The following HDAC1 variants were observed in gnomAD, a reference collection of about 807,000 sequenced individuals.
The protein encoded by HDAC1 is histone deacetylase 1, also known as protein deacetylase HDAC1.
Under a neutral mutation model 65.5 loss-of-function variants are expected in HDAC1, and 18 were observed. The ratio of observed to expected loss-of-function variants is 0.27; its 90% CI spans 0.19 to 0.41. The LOEUF is 0.41. Ranked by LOEUF, HDAC1 falls within the 10% of genes least tolerant of loss-of-function variation. The probability of loss-of-function intolerance (pLI) is 1.00; values close to 1 mark genes in which losing one functional copy is unlikely to be tolerated. For missense variants in HDAC1, 373 were observed against 625.2 expected (o/e 0.60, Z 4.30); for synonymous variants, 211 against 227.9 (o/e 0.93, Z 0.67).
At chr1:32,295,771 T>G (rs192344857) in intron 1 of HDAC1, among the ~76,000 whole-genome samples, 22 of 152,134 alleles carry the variant, frequency 1.4e-4, no homozygotes, top group South Asian at 6.2e-4. Flanking sequence ...TTTTATTTGT[T>G]TGTTTGTTTG....
Position 32,304,846 on chromosome 1 carries a change from G to C in HDAC1, c.162+2113G>C, listed in dbSNP as rs149658849. 9.2e-3 allele frequency among the ~76,000 whole-genome samples: 1,395 copies of C among 152,202 alleles called. 16 individuals carry two copies. The highest frequency in any genetic ancestry group is 0.033 in the African/African-American group (1,357 of 41,524). On this transcript the variant is annotated intron_variant, in intron 2 of 13. Transcript: ENST00000373548. ...CCCAAAGTGCTGGGATTACAGGCAT[G>C]AGCCACCATACCCAGCCTCTCTTGG...
chr1:32,330,630 G>C lies in HDAC1; in HGVS notation c.782G>C (p.Cys261Ser). 1 of 1,613,970 alleles carries C rather than the reference G, an allele frequency of 6.2e-7. No homozygotes were observed. Among genetic ancestry groups the C allele is most frequent in the Non-Finnish European group, 8.5e-7 (1 of 1,179,920 alleles). ...MFQPSAVVLQ[C>S]GSDSLSGDRL... Reference sequence around the variant, plus strand: ...CAGCCTAGTGCGGTGGTCTTACAGTGTGGCTCAGACTCCCTATCTGGGGAT... The same window carrying C: ...CAGCCTAGTGCGGTGGTCTTACAGTCTGGCTCAGACTCCCTATCTGGGGAT... The change falls in exon 8 of 14, where the codon TGT becomes TCT. Residue 261 changes from cysteine to serine, a missense_variant. Cys to Ser is a moderately radical substitution (Grantham distance 112, BLOSUM62 -1). Coordinates refer to ENST00000373548, the MANE Select transcript of HDAC1 (RefSeq NM_004964.3). The surrounding 1 kb of genome is among the most constrained non-coding windows in gnomAD (Gnocchi z 4.2).
chr1:32,304,638 T>C (rs1640888323), intron 2 of HDAC1, among the ~76,000 whole-genome samples: 1 of 152,078 alleles, frequency 6.6e-6, no homozygotes, highest in Non-Finnish European at 1.5e-5. Context: ...GGTGCAATCT[T>C]GGCTCACTGC....
rs1164280812 is a variant in HDAC1, at chr1:32,292,112, G to C, written c.-58G>C. The C allele has an allele frequency of 1.4e-5, 21 of 1,526,534 alleles. No individual in the cohort carries two copies. Among genetic ancestry groups the C allele is most frequent in the Non-Finnish European group, 1.8e-5 (20 of 1,128,354 alleles). The allele number at this position is 1,526,534 out of a possible 1,614,324, so 94.6% of individuals were successfully genotyped here. A position where few individuals can be genotyped will look rare whatever the true frequency, so the allele number is the denominator to read the frequency against. On this transcript the variant is annotated 5_prime_UTR_variant, in exon 1 of 14. Coordinates refer to ENST00000373548, the MANE Select transcript of HDAC1 (RefSeq NM_004964.3). ...TCCCCCCTGGGTCGGACGCTGAGCGGAGCCGCGGGCGGGAGGGCGGACGGA... is the reference window on the plus strand; with the variant it reads ...TCCCCCCTGGGTCGGACGCTGAGCGCAGCCGCGGGCGGGAGGGCGGACGGA...
In HDAC1 at chr1:32,327,165, C is replaced by A; in HGVS notation, c.494+88C>A. On this transcript the variant is annotated intron_variant, in intron 5 of 13. Transcript: ENST00000373548. This position sits in a 1 kb window ranked among gnomAD's most constrained non-coding sequence, Gnocchi z 6.0. ...CCCCTGGGCTTGCCTCCCTAGTTTGCTTTTCCTACCGATGTGCTGGCTAGG... is the reference window on the plus strand; with the variant it reads ...CCCCTGGGCTTGCCTCCCTAGTTTGATTTTCCTACCGATGTGCTGGCTAGG... 1 of 1,358,842 alleles carries A rather than the reference C, an allele frequency of 7.4e-7. No individual in the cohort carries two copies. The highest frequency in any genetic ancestry group is 1.0e-6 in the Non-Finnish European group (1 of 967,714). 84.2% of individuals were successfully genotyped at this position (1,358,842 alleles called of 1,614,324 possible).
In HDAC1 at chr1:32,333,007, C is replaced by G. The variant is rs780254467; in HGVS notation, c.1422-10C>G. On this transcript the variant is annotated splice_polypyrimidine_tract_variant and intron_variant, in intron 13 of 13. Transcript: ENST00000373548. ...GGGTCATCTCATGCCAGTCTCTGCT[C>G]TCTCCACAGGGTCAAGGAGGAGGTC... 3.7e-6 allele frequency: 6 copies of G among 1,613,530 alleles called. No individual in the cohort carries two copies. Among genetic ancestry groups the G allele is most frequent in the East Asian group, 2.2e-5 (1 of 44,890 alleles).
chr1:32,307,267 T>G (rs1300489812), intron 2 of HDAC1, among the ~76,000 whole-genome samples: 1 of 152,074 alleles, frequency 6.6e-6, no homozygotes, highest in Admixed American at 6.6e-5. Context: ...AAAAGAAGAT[T>G]CATTCCTACT....
rs552091235 is a variant in HDAC1, at chr1:32,310,811, T to C, written c.163-5854T>C. 9.4e-5 allele frequency among the ~76,000 whole-genome samples: 14 copies of C among 149,722 alleles called. 1 individual carries two copies. The South Asian group carries it at 1.5e-3, about 16-fold the overall frequency. ...GTTGCAGTGAGCCAAGATTGTGCCA[T>C]TGCACTGCAGCTGGGTGACAAGAGT... On this transcript the variant is annotated intron_variant, in intron 2 of 13. Coordinates refer to ENST00000373548, the MANE Select transcript of HDAC1 (RefSeq NM_004964.3).
chr1:32,300,938 A>C (rs1640839009), intron 1 of HDAC1, among the ~76,000 whole-genome samples: 1 of 152,240 alleles, frequency 6.6e-6, no homozygotes, highest in African/African-American at 2.4e-5. Flanking sequence ...GAGGAACTGT[A>C]AACGGATGGG....
chr1:32,324,793 T>G (rs1641195374), intron 4 of HDAC1, among the ~76,000 whole-genome samples: 1 of 151,900 alleles, frequency 6.6e-6, no homozygotes, highest in South Asian at 2.1e-4. Context: ...ACATAGACCC[T>G]CCTGTCTATA....
At chr1:32,324,622 C>G in intron 4 of HDAC1, 69 bp downstream of exon 4, 1 of 1,023,028 alleles carries the variant, frequency 9.8e-7, no homozygotes, top group Non-Finnish European at 1.6e-6. Flanking sequence ...TTTTAGGCTG[C>G]TATCCTAGTT....
Position 32,330,563 on chromosome 1 carries a change from G to T in HDAC1, c.730-15G>T, listed in dbSNP as rs769110096. ...CTTTCTTGAGGTTGGTGGTGACCAG[G>T]ATGTATCATTTTAGGTCATGTCCAA... On this transcript the variant is annotated splice_polypyrimidine_tract_variant and intron_variant, in intron 7 of 13. Transcript: ENST00000373548. This position sits in a 1 kb window ranked among gnomAD's most constrained non-coding sequence, Gnocchi z 4.2. The T allele has an allele frequency of 1.3e-6, 2 of 1,575,190 alleles. No individual in the cohort carries two copies. Among genetic ancestry groups the T allele is most frequent in the East Asian group, 4.5e-5 (2 of 44,686 alleles).
intron 2 of HDAC1, among the ~76,000 whole-genome samples, chr1:32,305,866 T>C (rs1363784988): frequency 6.6e-6 from 1 of 152,200 alleles, no homozygotes; most frequent in Admixed American, 6.5e-5. Context: ...CACCTTGGCC[T>C]CCCTAAGTGC....
Position 32,332,691 on chromosome 1 carries a change from T to A in HDAC1, c.1373-10T>A, listed in dbSNP as rs1173018637. 6.4e-7 allele frequency: 1 copy of A among 1,553,268 alleles called. No homozygotes were observed. The highest frequency in any genetic ancestry group is 1.2e-5 in the South Asian group (1 of 84,128). ...CTGCCCTTGGCCATCCCTGTACTCT[T>A]GTGTTCTAGAAGTCACCGAAGAGGA... On this transcript the variant is annotated splice_polypyrimidine_tract_variant and intron_variant, in intron 12 of 13. Transcript: ENST00000373548.
At chr1:32,321,392 C>T (rs1641145526) in intron 3 of HDAC1, among the ~76,000 whole-genome samples, 1 of 146,438 alleles carries the variant, frequency 6.8e-6, no homozygotes, top group Non-Finnish European at 1.5e-5. Flanking sequence ...ACCCCATTAC[C>T]AGCACTGCCA....
intron 2 of HDAC1, among the ~76,000 whole-genome samples, chr1:32,303,149 G>C (rs975230339): frequency 3.3e-5 from 5 of 152,118 alleles, no homozygotes; most frequent in African/African-American, 1.2e-4. Flanking sequence ...TTCCAGCTTG[G>C]GGGGCAGAGC....
chr1:32,315,279 A>C (rs1641044714), intron 2 of HDAC1, among the ~76,000 whole-genome samples: 1 of 152,108 alleles, frequency 6.6e-6, no homozygotes, highest in South Asian at 2.1e-4. Flanking sequence ...TTTTCATTAG[A>C]TACCCTTTTT....
At chr1:32,313,243 T>G (rs1570018432) in intron 2 of HDAC1, among the ~76,000 whole-genome samples, 2 of 152,074 alleles carry the variant, frequency 1.3e-5, no homozygotes, top group East Asian at 3.9e-4. Flanking sequence ...TCCAGGCACC[T>G]GCCATGACGC....
At chr1:32,319,137 C>T (rs1029858443) in intron 3 of HDAC1, among the ~76,000 whole-genome samples, 1 of 152,026 alleles carries the variant, frequency 6.6e-6, no homozygotes, top group Non-Finnish European at 1.5e-5. Context: ...AAAATTCAGT[C>T]TGGGTGCCTA....
Sources: allele counts gnomAD v4.1 joint callset (sites outside exome capture counted in the v4.1 genomes callset), GRCh38; gene constraint gnomAD v4.1.1; non-coding constraint Gnocchi (gnomAD v3.1); transcripts MANE v1.5; gene names NCBI Gene and HGNC (gene_info 2026-07-23, HGNC 2026-07-21).